Variants in KDM4C observed in about 807,000 individuals in gnomAD.
KDM4C encodes the protein lysine demethylase 4C.
A neutral mutation model predicts 129.3 loss-of-function variants in KDM4C; 81 were observed. The observed-to-expected ratio is 0.63, with a 90% CI of 0.52 to 0.75. KDM4C has a LOEUF of 0.75. Among genes scored for constraint, KDM4C ranks in the 30% least tolerant of loss-of-function variants. The probability of loss-of-function intolerance (pLI) is 0.00; values close to 1 mark genes in which losing one functional copy is unlikely to be tolerated. For missense variants in KDM4C, 1,457 were observed against 1,304.0 expected (o/e 1.12, Z -1.81); for synonymous variants, 573 against 456.1 (o/e 1.26, Z -3.26).
intron 8 of KDM4C, among the ~76,000 whole-genome samples, chr9:6,950,825 C>A (rs546421821): frequency 2.6e-5 from 4 of 152,088 alleles, no homozygotes; most frequent in African/African-American, 9.7e-5. Context: ...GGTTCAGTAT[C>A]TTTTCTTTGA....
At chr9:6,800,921 C>G (rs1483500640) in intron 2 of KDM4C, among the ~76,000 whole-genome samples, 1 of 152,200 alleles carries the variant, frequency 6.6e-6, no homozygotes, top group Non-Finnish European at 1.5e-5. Context: ...AGCCACCGTT[C>G]CTGGACAGTA....
chr9:6,949,576 C>T (rs1434960814), intron 8 of KDM4C, among the ~76,000 whole-genome samples: 1 of 152,230 alleles, frequency 6.6e-6, no homozygotes, highest in East Asian at 1.9e-4. Flanking sequence ...AACGAGACTC[C>T]ATCTGCAATC....
intron 17 of KDM4C, among the ~76,000 whole-genome samples, chr9:7,102,361 T>G (rs1837196959): frequency 7.7e-6 from 1 of 130,330 alleles, no homozygotes; most frequent in South Asian, 2.5e-4. Context: ...AAGAGAAACC[T>G]TTAATTATAT....
At chr9:6,816,126 A>T (rs937420226) in intron 4 of KDM4C, among the ~76,000 whole-genome samples, 4 of 152,156 alleles carry the variant, frequency 2.6e-5, no homozygotes, top group African/African-American at 9.7e-5. Flanking sequence ...TATGGGGTAT[A>T]CTCAAATATT....
upstream of KDM4C, chr9:6,757,705 G>A (rs376298264): frequency 4.3e-5 from 42 of 985,584 alleles, no homozygotes; most frequent in Middle Eastern, 5.2e-4. Flanking sequence ...GTCCAGCCCT[G>A]CGGGACCCCA....
intron 16 of KDM4C, among the ~76,000 whole-genome samples, chr9:7,047,918 G>T (rs549956315): frequency 2.0e-5 from 3 of 152,178 alleles, no homozygotes; most frequent in East Asian, 3.9e-4. Flanking sequence ...CTGGTGTAAT[G>T]TAATGGTGGA....
At chr9:7,030,553 G>A (rs1176563623) in intron 15 of KDM4C, among the ~76,000 whole-genome samples, 1 of 152,166 alleles carries the variant, frequency 6.6e-6, no homozygotes, top group Non-Finnish European at 1.5e-5. Context: ...AGCTATGTAT[G>A]TGTGCAGGCA....
intron 2 of KDM4C, among the ~76,000 whole-genome samples, chr9:6,805,312 C>T (rs1301769458): frequency 1.3e-5 from 2 of 152,130 alleles, no homozygotes; most frequent in African/African-American, 4.8e-5. Context: ...AATTATTTTA[C>T]TTCTGTGTGT....
chr9:6,806,404 G>T (rs535132288), intron 3 of KDM4C, among the ~76,000 whole-genome samples: 29 of 152,168 alleles, frequency 1.9e-4, no homozygotes, highest in African/African-American at 6.3e-4. Flanking sequence ...TGAGGCAGGA[G>T]AATTGCTTGA....
chr9:6,849,529 C>T lies in KDM4C; in HGVS notation c.458C>T (p.Ala153Val). Residue 153 changes from alanine to valine, a missense_variant, in exon 5 of 22, where the codon GCT becomes GTT. Ala to Val is a moderately conservative substitution (Grantham distance 64, BLOSUM62 0). Transcript: ENST00000381309. ...CAGGGTGTGGATGAATGGAACATAG[C>T]TCGCCTCAATACAGTCTTGGATGTG... Reference protein sequence around the residue: ...YDEGVDEWNIARLNTVLDVVE... With the variant: ...YDEGVDEWNIVRLNTVLDVVE... The T allele has an allele frequency of 6.3e-7, 1 of 1,596,506 alleles. No individual in the cohort carries two copies. Among genetic ancestry groups the T allele is most frequent in the Non-Finnish European group, 8.6e-7 (1 of 1,167,440 alleles).
intron 1 of KDM4C, among the ~76,000 whole-genome samples, chr9:6,740,345 A>C (rs943720120): frequency 6.6e-6 from 1 of 151,940 alleles, no homozygotes; most frequent in Non-Finnish European, 1.5e-5. Context: ...CTGAGACTAC[A>C]GGCGCCCGTC....
chr9:7,072,223 C>T (rs183513080), intron 17 of KDM4C, among the ~76,000 whole-genome samples: 1 of 152,186 alleles, frequency 6.6e-6, no homozygotes, highest in African/African-American at 2.4e-5. Flanking sequence ...AATGGTATAG[C>T]CATCTTGGAA....
rs111339914 is a variant in KDM4C at position 6,740,505 on chromosome 9, T to G, written c.49+19508T>G. 9.6e-3 allele frequency among the ~76,000 whole-genome samples: 1,446 copies of G among 151,016 alleles called. 22 individuals are homozygous for G. Among genetic ancestry groups the G allele is most frequent in the African/African-American group, 0.033 (1,376 of 41,152 alleles). ...GGCGTGAGCCACTGCGCCTGGCCTT[T>G]CACCCGGCCTAATTTTTATTTATTT... is the stretch of plus-strand genomic sequence containing the variant. On this transcript the variant is annotated intron_variant, in intron 1 of 17. Transcript: ENST00000536108.
At chr9:6,723,820 C>T (rs1220926854) in intron 1 of KDM4C, 1 of 152,116 alleles carries the variant, frequency 6.6e-6, no homozygotes, top group African/African-American at 2.4e-5. Flanking sequence ...GAGGCCATAC[C>T]ATTGTGGCCC....
intron 12 of KDM4C, among the ~76,000 whole-genome samples, chr9:6,995,911 G>A (rs537862662): frequency 7.9e-5 from 12 of 151,924 alleles, no homozygotes; most frequent in Admixed American, 2.6e-4. Context: ...CTCGTGATCT[G>A]CCCACCTCGG....
At chr9:6,842,662 T>G (rs1313930924) in intron 4 of KDM4C, among the ~76,000 whole-genome samples, 1 of 151,996 alleles carries the variant, frequency 6.6e-6, no homozygotes, top group Non-Finnish European at 1.5e-5. Context: ...AAAAGTTGGT[T>G]AATGTCACAT....
intron 15 of KDM4C, among the ~76,000 whole-genome samples, chr9:7,046,318 T>G (rs560983324): frequency 6.6e-6 from 1 of 152,072 alleles, no homozygotes; most frequent in South Asian, 2.1e-4. Flanking sequence ...TCAGGACACT[T>G]TTTATAACAC....
At chr9:6,900,649 G>C (rs757548009) in intron 8 of KDM4C, among the ~76,000 whole-genome samples, 21 of 152,216 alleles carry the variant, frequency 1.4e-4, no homozygotes, top group African/African-American at 4.8e-4. Context: ...ACAAAGAGAA[G>C]CCAATGGACA....
In KDM4C at chr9:6,743,890, G is replaced by T. The variant is rs1817789561; in HGVS notation, c.49+22893G>T. Among the ~76,000 whole-genome samples, 3 of 151,278 alleles carry T rather than the reference G, an allele frequency of 2.0e-5. No homozygotes were observed. In the South Asian group the frequency reaches 6.3e-4, roughly 32 times the overall value. On this transcript the variant is annotated intron_variant, in intron 1 of 17. Coordinates refer to the KDM4C transcript ENST00000536108. ...GGTGGGGGACACCTGACAGCTAAGT[G>T]ACTCACTAATGTGAAATCCTCTCCA...
Sources: gnomAD v4.1 joint callset for allele counts (sites outside exome capture counted in the v4.1 genomes callset) on GRCh38, gnomAD v4.1.1 for gene constraint, MANE v1.5 for transcripts, NCBI Gene and HGNC (gene_info 2026-07-23, HGNC 2026-07-21) for gene names.